The following LHFPL3 variants were observed in gnomAD, a reference collection of about 807,000 sequenced individuals.
The protein encoded by LHFPL3 is LHFPL tetraspan subfamily member 3, also known as LHFPL tetraspan subfamily member 3 protein.
LHFPL3 carries 5 observed loss-of-function variants against 19.3 expected under a neutral mutation model. That is an observed-to-expected ratio of 0.26 (90% CI 0.14 to 0.54). LHFPL3 has a LOEUF of 0.54. Among genes scored for constraint, LHFPL3 ranks in the 20% least tolerant of loss-of-function variants. LHFPL3 has a pLI of 0.94. For missense variants in LHFPL3, 249 were observed against 307.4 expected (o/e 0.81, Z 1.42); for synonymous variants, 133 against 126.2 (o/e 1.05, Z -0.36).
chr7:104,558,044 T>G (rs1195635606), intron 1 of LHFPL3, among the ~76,000 whole-genome samples: 90 of 149,682 alleles, frequency 6.0e-4, no homozygotes, highest in African/African-American at 2.2e-3. Context: ...TTCCATGGTG[T>G]ATATGTGCCA....
At chr7:104,599,393 T>C (rs748940797) in intron 1 of LHFPL3, among the ~76,000 whole-genome samples, 1 of 152,202 alleles carries the variant, frequency 6.6e-6, no homozygotes, top group Non-Finnish European at 1.5e-5. Context: ...AAATTCAGGT[T>C]GTTGGATTGG....
rs561975535 is a variant in LHFPL3, at chr7:104,408,864, C to CTTTTTTTTTTTTT, written c.445+79646_445+79658dup. Among the ~76,000 whole-genome samples the CTTTTTTTTTTTTT allele has an allele frequency of 7.0e-3, 734 of 105,360 alleles. 63 individuals carry two copies. The highest frequency in any genetic ancestry group is 7.2e-3 in the Non-Finnish European group (395 of 54,748). 69.1% of individuals were successfully genotyped at this position (105,360 alleles called of 152,430 possible). On this transcript the variant is annotated intron_variant, in intron 1 of 2. Transcript: ENST00000424859. ...AGGCACTAGTGTTGTAATTTTCTTT[C>CTTTTTTTTTTTTT]TTTTTTTTTTTTTTTTTTGAGACGG...
At position 104,807,332 on chromosome 7, in the gene LHFPL3, G is replaced by A. The variant is rs1437200497; in HGVS notation, c.682+70421G>A. On this transcript the variant is annotated intron_variant, in intron 2 of 2. Transcript: ENST00000424859. ...CCACAGAAGCCAGAGGACAGGCATG[G>A]AAGAGATTCTTCCTCACAGCCACCA... is the stretch of plus-strand genomic sequence containing the variant. 2.6e-5 allele frequency among the ~76,000 whole-genome samples: 4 copies of A among 152,132 alleles called. No homozygotes were observed. In the South Asian group the frequency reaches 8.3e-4, roughly 32 times the overall value.
intron 1 of LHFPL3, among the ~76,000 whole-genome samples, chr7:104,476,300 A>G (rs1793015157): frequency 6.6e-6 from 1 of 152,222 alleles, no homozygotes; most frequent in East Asian, 1.9e-4. Flanking sequence ...TTGGGGAATT[A>G]GATTTCAGAT....
chr7:104,474,344 T>C (rs1792966052), intron 1 of LHFPL3, among the ~76,000 whole-genome samples: 1 of 151,992 alleles, frequency 6.6e-6, no homozygotes, highest in East Asian at 1.9e-4. Context: ...GGACACTGTG[T>C]TAGGCCTAAG....
In LHFPL3 at chr7:104,856,032, T is replaced by C. The variant is rs923354616; in HGVS notation, c.683-50155T>C. ...TTCAGTCCTGTTATTCTTTTACCCATGTGAGAAAAAGAAGGAAAACTAATA... is the reference window on the plus strand; with the variant it reads ...TTCAGTCCTGTTATTCTTTTACCCACGTGAGAAAAAGAAGGAAAACTAATA... On this transcript the variant is annotated intron_variant, in intron 2 of 2. Transcript: ENST00000424859. Among the ~76,000 whole-genome samples the C allele has an allele frequency of 1.6e-4, 25 of 152,184 alleles. 1 individual carries two copies. The highest frequency in any genetic ancestry group is 5.9e-4 in the Admixed American group (9 of 15,272).
intron 1 of LHFPL3, among the ~76,000 whole-genome samples, chr7:104,416,534 A>G (rs932421662): frequency 1.3e-5 from 2 of 152,184 alleles, no homozygotes; most frequent in African/African-American, 4.8e-5. Context: ...AGTGAATCCT[A>G]GGGCACATGC....
At chr7:104,354,893 A>G (rs1319625316) in intron 1 of LHFPL3, among the ~76,000 whole-genome samples, 1 of 152,188 alleles carries the variant, frequency 6.6e-6, no homozygotes, top group Non-Finnish European at 1.5e-5. Flanking sequence ...CATATAGTCA[A>G]CATAAAAATT....
intron 2 of LHFPL3, among the ~76,000 whole-genome samples, chr7:104,831,518 T>C (rs567570503): frequency 6.6e-6 from 1 of 152,028 alleles, no homozygotes; most frequent in Non-Finnish European, 1.5e-5. Flanking sequence ...GAGTTGCTCA[T>C]TTCCATGGTG....
At position 104,804,753 on chromosome 7, in the gene LHFPL3, C is replaced by T. The variant is rs185452378; in HGVS notation, c.682+67842C>T. Reference sequence around the variant, plus strand: ...AAGTACTGAATTTAGCTAACTACTACATGAAAATGGATCATTTCCTAGTCA... The same window carrying T: ...AAGTACTGAATTTAGCTAACTACTATATGAAAATGGATCATTTCCTAGTCA... On this transcript the variant is annotated intron_variant, in intron 2 of 2. Coordinates refer to ENST00000424859, the MANE Select transcript of LHFPL3 (RefSeq NM_199000.3). Among the ~76,000 whole-genome samples the T allele has an allele frequency of 2.6e-5, 4 of 152,298 alleles. No individual in the cohort carries two copies. In the East Asian group the frequency reaches 7.7e-4, roughly 29 times the overall value.
intron 1 of LHFPL3, among the ~76,000 whole-genome samples, chr7:104,735,505 A>T (rs955525328): frequency 6.6e-6 from 1 of 152,124 alleles, no homozygotes; most frequent in Non-Finnish European, 1.5e-5. Flanking sequence ...TGGGCATAGG[A>T]CCCTCCGAGC....
At chr7:104,380,055 A>G (rs1790798694) in intron 1 of LHFPL3, among the ~76,000 whole-genome samples, 1 of 152,188 alleles carries the variant, frequency 6.6e-6, no homozygotes, top group South Asian at 2.1e-4. Flanking sequence ...ATTAGTTACC[A>G]TACTGGTTAA....
At chr7:104,562,203 G>A (rs1399389608) in intron 1 of LHFPL3, among the ~76,000 whole-genome samples, 1 of 151,854 alleles carries the variant, frequency 6.6e-6, no homozygotes, top group East Asian at 1.9e-4. Context: ...GGCGTTCTCT[G>A]TATTTCCTGA....
chr7:104,470,595 T>C (rs1245041004), intron 1 of LHFPL3, among the ~76,000 whole-genome samples: 1 of 152,184 alleles, frequency 6.6e-6, no homozygotes, highest in Non-Finnish European at 1.5e-5. Flanking sequence ...ATTAACTCAC[T>C]GATTCTAATA....
chr7:104,863,259 T>G (rs945040293), intron 2 of LHFPL3, among the ~76,000 whole-genome samples: 5 of 152,140 alleles, frequency 3.3e-5, no homozygotes, highest in Admixed American at 3.3e-4. Flanking sequence ...GGGTAGGGGG[T>G]TGACCTCCTA....
chr7:104,729,037 T>A (rs1793641127), intron 1 of LHFPL3, among the ~76,000 whole-genome samples: 1 of 152,220 alleles, frequency 6.6e-6, no homozygotes, highest in East Asian at 1.9e-4. Flanking sequence ...AAAATGTATT[T>A]ATAGAATTAA....
chr7:104,894,457 G>T (rs1361638608), intron 2 of LHFPL3, among the ~76,000 whole-genome samples: 1 of 152,130 alleles, frequency 6.6e-6, no homozygotes, highest in African/African-American at 2.4e-5. Flanking sequence ...TTAACTCAGA[G>T]CATGACCACA....
At chr7:104,670,138 CTTT>C (rs71155516) in intron 1 of LHFPL3, among the ~76,000 whole-genome samples, 48 of 140,488 alleles carry the variant, frequency 3.4e-4, no homozygotes, top group South Asian at 4.7e-4. Context: ...GAGGGAATTC[CTTT>C]TTTTTTTTTT....
intron 1 of LHFPL3, among the ~76,000 whole-genome samples, chr7:104,481,197 A>G (rs1303601683): frequency 6.6e-6 from 1 of 152,078 alleles, no homozygotes; most frequent in Non-Finnish European, 1.5e-5. Context: ...TGGTCCTGTC[A>G]TTTCCCACCC....
Sources: gnomAD v4.1 joint callset for allele counts (sites outside exome capture counted in the v4.1 genomes callset) on GRCh38, gnomAD v4.1.1 for gene constraint, MANE v1.5 for transcripts, NCBI Gene and HGNC (gene_info 2026-07-23, HGNC 2026-07-21) for gene names.